The following RALYL variants were observed in gnomAD, a reference collection of about 807,000 sequenced individuals.
RALYL encodes the protein RALY RNA binding protein like, also known as RNA-binding Raly-like protein.
In RALYL, 29 loss-of-function variants were observed where a neutral mutation model predicts 35.1. That is an observed-to-expected ratio of 0.83 (90% confidence interval 0.61 to 1.13). The LOEUF (loss-of-function observed/expected upper bound fraction) is 1.13. RALYL is among the 50% of genes most tolerant of loss of function. RALYL has a pLI of 0.00. For synonymous variants in RALYL, 120 were observed against 127.6 expected (o/e 0.94, Z 0.40); for missense variants, 359 against 360.4 (o/e 1.00, Z 0.03).
chr8:84,469,919 G>C lies in RALYL; in HGVS notation c.-23-59380G>C, dbSNP rs562920503. 3.3e-5 allele frequency among the ~76,000 whole-genome samples: 5 copies of C among 152,290 alleles called. No homozygotes were observed. The South Asian group carries it at 8.3e-4, about 25-fold the overall frequency. ...CCGATTTTCCAGGTGCCGTCTGTCA[G>C]CCCTTTCTTTGACTCAGACAGGGAA... On this transcript the variant is annotated intron_variant, in intron 1 of 8. Coordinates refer to ENST00000521268, the MANE Select transcript of RALYL (RefSeq NM_173848.7).
intron 2 of RALYL, among the ~76,000 whole-genome samples, chr8:84,627,835 C>G (rs1713929259): frequency 6.6e-6 from 1 of 151,890 alleles, no homozygotes; most frequent in Non-Finnish European, 1.5e-5. Flanking sequence ...TCTTTAATGC[C>G]CATATTTAAA....
chr8:84,489,097 A>G (rs1000573874), intron 1 of RALYL, among the ~76,000 whole-genome samples: 26 of 152,056 alleles, frequency 1.7e-4, no homozygotes, highest in African/African-American at 5.8e-4. Flanking sequence ...CAAGGTCTCT[A>G]TCTTCAAGTG....
chr8:84,302,641 C>T (rs1007210981), intron 1 of RALYL, among the ~76,000 whole-genome samples: 5 of 152,066 alleles, frequency 3.3e-5, no homozygotes, highest in South Asian at 2.1e-4. Context: ...AAGCCATTTA[C>T]GGGTTATATG....
intron 1 of RALYL, among the ~76,000 whole-genome samples, chr8:84,468,736 T>C (rs968500934): frequency 2.6e-5 from 4 of 151,272 alleles, no homozygotes; most frequent in Admixed American, 2.6e-4. Flanking sequence ...TCCTGCAGAG[T>C]GTTTTCCAAC....
chr8:84,505,790 G>A (rs945416692), intron 1 of RALYL, among the ~76,000 whole-genome samples: 111 of 152,190 alleles, frequency 7.3e-4, no homozygotes, highest in African/African-American at 2.6e-3. Flanking sequence ...AGTTAGAATA[G>A]CAAGCTAGAC....
intron 2 of RALYL, among the ~76,000 whole-genome samples, chr8:84,766,711 A>T (rs1814114629): frequency 8.2e-6 from 1 of 121,700 alleles, no homozygotes. Context: ...CGACAGAGTG[A>T]GACTGTCTCA....
intron 1 of RALYL, among the ~76,000 whole-genome samples, chr8:84,466,571 C>T (rs1302699667): frequency 1.3e-5 from 2 of 151,212 alleles, no homozygotes; most frequent in South Asian, 2.1e-4. Flanking sequence ...ATTTTTGCAT[C>T]AATGTTCATC....
rs1274183215 is a variant in RALYL at position 84,529,512 on chromosome 8, G to A, written c.191G>A (p.Ser64Asn). The change falls in exon 2 of 9, where the codon AGT (serine) becomes AAT (asparagine). Residue 64 changes from serine (S) to asparagine (N), a missense_variant. By Grantham distance (46) the Ser-to-Asn change is conservative (BLOSUM62 1). Transcript: ENST00000521268. ...GGTTATGCATTTGTACAGTACATGA[G>A]TGAGCGACATGCAAGAGCTGCAGTG... is the stretch of plus-strand genomic sequence containing the variant. ...HKGYAFVQYM[S>N]ERHARAAVAG... 6.2e-6 allele frequency: 10 copies of A among 1,613,366 alleles called. No individual in the cohort carries two copies. The highest frequency in any genetic ancestry group is 8.5e-6 in the Non-Finnish European group (10 of 1,179,388).
intron 1 of RALYL, among the ~76,000 whole-genome samples, chr8:84,393,989 A>T (rs947005548): frequency 6.6e-6 from 1 of 152,116 alleles, no homozygotes; most frequent in Non-Finnish European, 1.5e-5. Flanking sequence ...TTAGTTTACC[A>T]ACTTGGAACT....
At chr8:84,207,963 T>A (rs1254998892) in intron 1 of RALYL, among the ~76,000 whole-genome samples, 1 of 152,102 alleles carries the variant, frequency 6.6e-6, no homozygotes, top group African/African-American at 2.4e-5. Flanking sequence ...AAATTGCAGT[T>A]CGCTCTTTGA....
chr8:84,309,230 T>G (rs1842331204), intron 1 of RALYL, among the ~76,000 whole-genome samples: 1 of 151,340 alleles, frequency 6.6e-6, no homozygotes, highest in Non-Finnish European at 1.5e-5. Flanking sequence ...TTAGGTGCAT[T>G]AATGTTGTAT....
intron 1 of RALYL, among the ~76,000 whole-genome samples, chr8:84,233,982 C>T (rs984852295): frequency 6.6e-6 from 1 of 152,090 alleles, no homozygotes; most frequent in Non-Finnish European, 1.5e-5. Context: ...GCTTTTCAGT[C>T]TCATTTGTCT....
At chr8:84,222,693 G>A (rs1822552564) in intron 1 of RALYL, among the ~76,000 whole-genome samples, 1 of 152,054 alleles carries the variant, frequency 6.6e-6, no homozygotes. Context: ...AGTCACTTTG[G>A]CCAATAGTAA....
chr8:84,758,412 A>T (rs1469012343), intron 2 of RALYL, among the ~76,000 whole-genome samples: 1 of 152,214 alleles, frequency 6.6e-6, no homozygotes, highest in East Asian at 1.9e-4. Context: ...CCAAAACAAC[A>T]AACATTTATT....
At chr8:84,875,040 C>G (rs1369330703) in intron 7 of RALYL, among the ~76,000 whole-genome samples, 2 of 116,548 alleles carry the variant, frequency 1.7e-5, no homozygotes, top group African/African-American at 1.0e-4. Context: ...TTAAAGATTT[C>G]TATTACAAAT....
intron 1 of RALYL, among the ~76,000 whole-genome samples, chr8:84,192,841 C>A (rs1411123721): frequency 2.7e-5 from 4 of 147,452 alleles, no homozygotes; most frequent in Non-Finnish European, 5.9e-5. Context: ...CCGTGCCCAG[C>A]CCGCAACTGA....
intron 1 of RALYL, among the ~76,000 whole-genome samples, chr8:84,389,284 C>T (rs530759823): frequency 6.6e-6 from 1 of 152,214 alleles, no homozygotes; most frequent in African/African-American, 2.4e-5. Context: ...CATGATGCTT[C>T]CAGCTGTGTT....
intron 2 of RALYL, among the ~76,000 whole-genome samples, chr8:84,608,888 A>G (rs760952067): frequency 7.9e-5 from 12 of 152,160 alleles, no homozygotes; most frequent in Non-Finnish European, 1.6e-4. Flanking sequence ...ACGATGCTGC[A>G]TAAGACCAAA....
chr8:84,194,353 T>G (rs117432236), intron 1 of RALYL, among the ~76,000 whole-genome samples: 5,175 of 152,262 alleles, frequency 0.034, 132 homozygotes, highest in Middle Eastern at 0.051. Context: ...CAGATTTTTT[T>G]TTTTCATTTG....
Sources: gnomAD v4.1 joint callset for allele counts (sites outside exome capture counted in the v4.1 genomes callset) on GRCh38, gnomAD v4.1.1 for gene constraint, MANE v1.5 for transcripts, NCBI Gene and HGNC (gene_info 2026-07-23, HGNC 2026-07-21) for gene names.